ROR1: variants seen among roughly 807,000 people sequenced by gnomAD.
The protein encoded by ROR1 is inactive tyrosine-protein kinase transmembrane receptor ROR1.
In ROR1, 19 loss-of-function variants were observed where a neutral mutation model predicts 78.8. That is an observed-to-expected ratio of 0.24 (90% CI 0.17 to 0.35). The LOEUF is 0.35. ROR1 is among the 10% of genes least tolerant of loss of function. The pLI is 1.00. For missense variants in ROR1, 917 were observed against 1,177.8 expected, an observed-to-expected ratio of 0.78 and a Z score of 3.24; for synonymous variants, 386 against 433.6, an observed-to-expected ratio of 0.89 and a Z score of 1.36.
intron 1 of ROR1, chr1:63,789,050 G>A: frequency 1.6e-6 from 1 of 628,506 alleles, no homozygotes; most frequent in Non-Finnish European, 3.1e-6. Flanking sequence ...TCCGGGCATT[G>A]GTTGTACCCT....
chr1:63,774,487 G>C lies in ROR1; in HGVS notation c.70G>C (p.Ala24Pro). ...GCTGCTGGCCGCGCTGCTGCTGGCC[G>C]CACGCGGGGCTGCTGCCCAAGGTAA... Reference protein sequence around the residue: ...LALLAALLLAARGAAAQETEL... With the variant: ...LALLAALLLAPRGAAAQETEL... The change falls in exon 1 of 9, where the codon GCA becomes CCA. Residue 24 changes from alanine to proline, a missense_variant. By Grantham distance (27) the Ala-to-Pro change is conservative. Coordinates refer to ENST00000371079, the MANE Select transcript of ROR1 (RefSeq NM_005012.4). The surrounding 1 kb of genome is among the most constrained non-coding windows in gnomAD (Gnocchi z 5.7). 1 of 1,147,964 alleles carries C rather than the reference G, an allele frequency of 8.7e-7. No homozygotes were observed. Among genetic ancestry groups the C allele is most frequent in the Non-Finnish European group, 1.1e-6 (1 of 938,708 alleles). 71.1% of individuals were successfully genotyped at this position (1,147,964 alleles called of 1,614,324 possible).
intron 1 of ROR1, among the ~76,000 whole-genome samples, chr1:64,006,236 T>C (rs11208331): frequency 0.028 from 4,321 of 152,258 alleles, 236 homozygotes; most frequent in African/African-American, 0.1. Flanking sequence ...CAAGGTTCAT[T>C]TTAATCCCAC....
At chr1:64,023,062 G>T (rs1646578287) in intron 2 of ROR1, among the ~76,000 whole-genome samples, 1 of 152,174 alleles carries the variant, frequency 6.6e-6, no homozygotes, top group Non-Finnish European at 1.5e-5. Context: ...TTCTACTGGT[G>T]ACAGGCATTT....
At chr1:64,016,733 T>TTTTATATATATATATATATATATATA (rs1553151714) in intron 2 of ROR1, among the ~76,000 whole-genome samples, 201 of 140,574 alleles carry the variant, frequency 1.4e-3, no homozygotes, top group African/African-American at 4.9e-3. Context: ...TAAAATATAA[T>TTTTATATATATATATATATATATATA]TATATATATA....
Position 64,178,481 on chromosome 1 carries a change from C to T in ROR1, c.2440C>T (p.Gln814Ter). 1 of 1,614,196 alleles carries T rather than the reference C, an allele frequency of 6.2e-7. No homozygotes were observed. The highest frequency in any genetic ancestry group is 8.5e-7 in the Non-Finnish European group (1 of 1,180,038). ...CATTGGCCCGCCAATACCTCAGAACCAGCGATTCATTCCCATCAATGGATA... is the reference window on the plus strand; with the variant it reads ...CATTGGCCCGCCAATACCTCAGAACTAGCGATTCATTCCCATCAATGGATA... The part of the protein sequence containing the change: ...GFIGPPIPQN[Q>*]RFIPINGYPI... The change falls in exon 9 of 9, where the codon CAG becomes TAG. Residue 814 changes from glutamine (Q) to a stop codon, truncating the protein, a stop_gained. Coordinates refer to ENST00000371079, the MANE Select transcript of ROR1 (RefSeq NM_005012.4). LOFTEE classifies it high-confidence loss of function. This position sits in a 1 kb window ranked among gnomAD's most constrained non-coding sequence, Gnocchi z 4.3.
rs2100210399 is a variant in ROR1 at position 63,774,371 on chromosome 1, C to A, written c.-47C>A. On this transcript the variant is annotated 5_prime_UTR_variant, in exon 1 of 9. An upstream open reading frame in the 5' UTR gains an earlier in-frame stop. Coordinates refer to ENST00000371079, the MANE Select transcript of ROR1 (RefSeq NM_005012.4). The surrounding 1 kb of genome is among the most constrained non-coding windows in gnomAD (Gnocchi z 5.7). Reference sequence around the variant, plus strand: ...CCGGGAAGAGCCCGTGGATGTTCTGCGCGCGGCCTGGGAGCCGCCGCCGCC... The same window carrying A: ...CCGGGAAGAGCCCGTGGATGTTCTGAGCGCGGCCTGGGAGCCGCCGCCGCC... 1 of 1,207,442 alleles carries A rather than the reference C, an allele frequency of 8.3e-7. No homozygotes were observed. Among genetic ancestry groups the A allele is most frequent in the Non-Finnish European group, 1.1e-6 (1 of 936,418 alleles). 74.8% of individuals were successfully genotyped at this position (1,207,442 alleles called of 1,614,324 possible).
chr1:63,789,009 A>T, intron 1 of ROR1: 2 of 636,676 alleles, frequency 3.1e-6, no homozygotes, highest in East Asian at 3.6e-5. Flanking sequence ...CAGAATCCTC[A>T]TTCTCCTCAT....
intron 1 of ROR1, among the ~76,000 whole-genome samples, chr1:63,918,165 A>T (rs1041999055): frequency 3.9e-5 from 6 of 152,228 alleles, no homozygotes; most frequent in Admixed American, 1.3e-4. Flanking sequence ...TGCCTGGAAC[A>T]GGAGAAGTTT....
chr1:64,064,310 T>C (rs1372120719), intron 4 of ROR1, among the ~76,000 whole-genome samples: 19 of 152,180 alleles, frequency 1.2e-4, no homozygotes, highest in Admixed American at 1.2e-3. Context: ...ACTGGAGTCA[T>C]GAGAAGATGC....
At chr1:64,077,311 C>T (rs1647058451) in intron 4 of ROR1, among the ~76,000 whole-genome samples, 1 of 152,218 alleles carries the variant, frequency 6.6e-6, no homozygotes, top group South Asian at 2.1e-4. Flanking sequence ...ATGTTCAACT[C>T]TGTCATCAGA....
chr1:64,145,586 T>A (rs1322267830), intron 7 of ROR1, among the ~76,000 whole-genome samples: 1 of 152,218 alleles, frequency 6.6e-6, no homozygotes, highest in Non-Finnish European at 1.5e-5. Context: ...AGAGCCATTG[T>A]TGATCATTTC....
At position 63,800,446 on chromosome 1, in the gene ROR1, C is replaced by T. The variant is rs542230441; in HGVS notation, c.91+25938C>T. Reference sequence around the variant, plus strand: ...GAGCAGGCCCTTAAAAGATGTGATACCTGGAGTTCTTATTCACTTGGCCTC... The same window carrying T: ...GAGCAGGCCCTTAAAAGATGTGATATCTGGAGTTCTTATTCACTTGGCCTC... On this transcript the variant is annotated intron_variant, in intron 1 of 8. Transcript: ENST00000371079. Among the ~76,000 whole-genome samples, 8 of 152,226 alleles carry T rather than the reference C, an allele frequency of 5.3e-5. No individual in the cohort carries two copies. In the South Asian group the frequency reaches 1.7e-3, roughly 32 times the overall value.
intron 1 of ROR1, among the ~76,000 whole-genome samples, chr1:63,968,896 C>T (rs903702185): frequency 6.6e-6 from 1 of 152,066 alleles, no homozygotes; most frequent in Non-Finnish European, 1.5e-5. Flanking sequence ...GAGTGCAGAC[C>T]CAGGAAATAA....
At chr1:63,829,438 G>A (rs1209776445) in intron 1 of ROR1, among the ~76,000 whole-genome samples, 1 of 152,160 alleles carries the variant, frequency 6.6e-6, no homozygotes. Context: ...ACCGTCACGA[G>A]GGATTCCTAA....
At chr1:64,090,809 G>A (rs748986681) in intron 4 of ROR1, among the ~76,000 whole-genome samples, 1 of 152,146 alleles carries the variant, frequency 6.6e-6, no homozygotes, top group Non-Finnish European at 1.5e-5. Flanking sequence ...CATTACTAAA[G>A]TTGCCCTTTT....
intron 2 of ROR1, among the ~76,000 whole-genome samples, chr1:64,021,447 G>T (rs1475307904): frequency 6.6e-5 from 10 of 152,176 alleles, no homozygotes; most frequent in Non-Finnish European, 1.5e-5. Context: ...TCACTTTCTG[G>T]TGGAGTTAGC....
intron 1 of ROR1, among the ~76,000 whole-genome samples, chr1:63,775,876 T>G (rs893479928): frequency 6.6e-6 from 1 of 152,214 alleles, no homozygotes; most frequent in African/African-American, 2.4e-5. Context: ...TAATTGTAAT[T>G]AAGATGTGCA....
intron 1 of ROR1, chr1:63,788,761 T>G (rs1326208407): frequency 2.0e-6 from 1 of 509,372 alleles, no homozygotes; most frequent in East Asian, 4.2e-5. Flanking sequence ...GATGATTTCC[T>G]CCTTCTTGAC....
chr1:64,154,939 G>A (rs56269249), intron 7 of ROR1, among the ~76,000 whole-genome samples: 2 of 152,108 alleles, frequency 1.3e-5, no homozygotes, highest in African/African-American at 4.8e-5. Flanking sequence ...TCTTAAAATA[G>A]TATGATTCCC....
Sources: gnomAD v4.1 joint callset for allele counts (sites outside exome capture counted in the v4.1 genomes callset) on GRCh38, gnomAD v4.1.1 for gene constraint, Gnocchi (gnomAD v3.1) non-coding constraint, MANE v1.5 for transcripts, NCBI Gene and HGNC (gene_info 2026-07-23, HGNC 2026-07-21) for gene names.